Variants in ANO3 observed in about 807,000 individuals in gnomAD.
ANO3 encodes the protein anoctamin-3.
In ANO3, 99 loss-of-function variants were observed where a neutral mutation model predicts 144.8. That is an observed-to-expected ratio of 0.68 (90% CI 0.58 to 0.81). ANO3 has a LOEUF of 0.81. Ranked by LOEUF, ANO3 falls within the 30% of genes least tolerant of loss-of-function variation. The probability of loss-of-function intolerance (pLI) is 0.00; values close to 1 mark genes in which losing one functional copy is unlikely to be tolerated. For synonymous variants in ANO3, 414 were observed against 392.6 expected (o/e 1.05, Z -0.64); for missense variants, 905 against 1,202.2 (o/e 0.75, Z 3.66).
rs140869098 is a variant in ANO3, at chr11:26,478,640, G to A, written c.432+15492G>A. ...GAAAATTATTTTTAGTAGTATTACA[G>A]CAAAATATGCAGGAAGTCATCAGGC... On this transcript the variant is annotated intron_variant, in intron 4 of 26. Transcript: ENST00000256737. Among the ~76,000 whole-genome samples, 79 of 152,198 alleles carry A rather than the reference G, an allele frequency of 5.2e-4. No homozygotes were observed. The East Asian group carries it at 0.014, about 28-fold the overall frequency.
At chr11:26,442,149 A>G (rs755270547) in intron 2 of ANO3, 37 bp downstream of exon 2, 1 of 1,587,250 alleles carries the variant, frequency 6.3e-7, no homozygotes, top group Non-Finnish European at 8.6e-7. Flanking sequence ...TCAATTTATA[A>G]AAACTACGTG....
chr11:26,341,711 G>A (rs185342025), intron 1 of ANO3, among the ~76,000 whole-genome samples: 1 of 152,264 alleles, frequency 6.6e-6, no homozygotes, highest in Non-Finnish European at 1.5e-5. Flanking sequence ...AGCCAGTGGT[G>A]GATCAGTCCG....
At chr11:26,492,546 A>C (rs1376148819) in intron 4 of ANO3, among the ~76,000 whole-genome samples, 1 of 152,178 alleles carries the variant, frequency 6.6e-6, no homozygotes, top group Non-Finnish European at 1.5e-5. Flanking sequence ...GTTTTAATAA[A>C]GTACTCTTAT....
chr11:26,564,722 CACACACACACATATAT>C (rs1565108681), intron 14 of ANO3, among the ~76,000 whole-genome samples: 24 of 66,952 alleles, frequency 3.6e-4, no homozygotes, highest in Non-Finnish European at 3.5e-4. Flanking sequence ...CACACACACA[CACACACACACATATAT>C]ATATATATAT....
At chr11:26,424,264 C>T (rs1384940429) in intron 1 of ANO3, among the ~76,000 whole-genome samples, 2 of 149,904 alleles carry the variant, frequency 1.3e-5, no homozygotes, top group African/African-American at 2.5e-5. Flanking sequence ...CACACACACA[C>T]ACATACACAT....
chr11:26,560,981 T>G, intron 14 of ANO3: 1 of 1,368,752 alleles, frequency 7.3e-7, no homozygotes, highest in Non-Finnish European at 1.0e-6. Flanking sequence ...GACAGTAATT[T>G]TGTGTAACCT....
chr11:26,365,040 A>T (rs967564897), intron 1 of ANO3, among the ~76,000 whole-genome samples: 8 of 152,220 alleles, frequency 5.3e-5, no homozygotes, highest in Non-Finnish European at 2.9e-5. Flanking sequence ...CCAAGATACA[A>T]TGGGGGTATT....
At chr11:26,197,224 T>C (rs1160674187) in intron 1 of ANO3, among the ~76,000 whole-genome samples, 1 of 152,168 alleles carries the variant, frequency 6.6e-6, no homozygotes, top group Non-Finnish European at 1.5e-5. Flanking sequence ...ATGTGATAGA[T>C]GGTTACAAAG....
intron 4 of ANO3, among the ~76,000 whole-genome samples, chr11:26,494,454 G>T (rs1860844597): frequency 6.6e-6 from 1 of 152,080 alleles, no homozygotes; most frequent in Admixed American, 6.6e-5. Context: ...ACAGTAACGT[G>T]AGATAGGAAG....
chr11:26,500,229 C>CT (rs915060719), intron 4 of ANO3, among the ~76,000 whole-genome samples: 7 of 151,788 alleles, frequency 4.6e-5, no homozygotes, highest in South Asian at 2.1e-4. Flanking sequence ...TGATTTTCTT[C>CT]TTTTTTTTAC....
intron 4 of ANO3, among the ~76,000 whole-genome samples, chr11:26,475,063 A>ATTTAAATTT (rs1565046912): frequency 6.6e-6 from 1 of 151,972 alleles, no homozygotes; most frequent in Non-Finnish European, 1.5e-5. Context: ...GATAAACTAG[A>ATTTAAATTT]GAACCTATGA....
chr11:26,343,795 T>C (rs1167339397), intron 1 of ANO3, among the ~76,000 whole-genome samples: 1 of 152,210 alleles, frequency 6.6e-6, no homozygotes, highest in Non-Finnish European at 1.5e-5. Flanking sequence ...CTTCTTCTCC[T>C]ATATAAATTG....
At chr11:26,466,898 C>T (rs576931829) in intron 4 of ANO3, among the ~76,000 whole-genome samples, 8 of 152,010 alleles carry the variant, frequency 5.3e-5, no homozygotes, top group Non-Finnish European at 7.4e-5. Flanking sequence ...GCAAAATTGT[C>T]GCAGAGTTTG....
At chr11:26,652,812 G>C (rs1441850238) in intron 24 of ANO3, among the ~76,000 whole-genome samples, 1 of 152,044 alleles carries the variant, frequency 6.6e-6, no homozygotes, top group Non-Finnish European at 1.5e-5. Context: ...ATGCCCCATG[G>C]CTCCGTTGAG....
chr11:26,590,103 G>A (rs190827065), intron 14 of ANO3, among the ~76,000 whole-genome samples: 1 of 152,290 alleles, frequency 6.6e-6, no homozygotes, highest in African/African-American at 2.4e-5. Context: ...TGCTTTGAGG[G>A]TTAAAGGATA....
intron 1 of ANO3, among the ~76,000 whole-genome samples, chr11:26,420,482 C>G (rs1040378629): frequency 9.9e-5 from 15 of 152,030 alleles, no homozygotes; most frequent in African/African-American, 3.6e-4. Flanking sequence ...TGAACTGTAG[C>G]TACTGTTTAG....
intron 1 of ANO3, among the ~76,000 whole-genome samples, chr11:26,368,065 T>G (rs1272160523): frequency 6.6e-6 from 1 of 152,190 alleles, no homozygotes; most frequent in Non-Finnish European, 1.5e-5. Context: ...TCAAACTGTA[T>G]CACTCCCCTA....
chr11:26,449,432 A>G (rs1858829581), intron 3 of ANO3, among the ~76,000 whole-genome samples: 1 of 151,522 alleles, frequency 6.6e-6, no homozygotes, highest in Non-Finnish European at 1.5e-5. Flanking sequence ...AGGACAGACA[A>G]ATGGATGAAA....
upstream of ANO3, among the ~76,000 whole-genome samples, chr11:26,329,909 T>G (rs1305535166): frequency 6.7e-6 from 1 of 149,508 alleles, no homozygotes; most frequent in African/African-American, 2.5e-5. Flanking sequence ...GCCTCCCGGG[T>G]TCAAGCCATT....
Sources: allele counts gnomAD v4.1 joint callset (sites outside exome capture counted in the v4.1 genomes callset), GRCh38; gene constraint gnomAD v4.1.1; transcripts MANE v1.5; gene names NCBI Gene and HGNC (gene_info 2026-07-23, HGNC 2026-07-21).